HPS5: variants seen among roughly 807,000 people sequenced by gnomAD.
HPS5 encodes the protein HPS5 biogenesis of lysosomal organelles complex 2 subunit 2.
In HPS5, 83 loss-of-function variants were observed where a neutral mutation model predicts 128.0. The ratio of observed to expected loss-of-function variants is 0.65; its 90% CI spans 0.54 to 0.78. The LOEUF is 0.78. HPS5 is among the 30% of genes least tolerant of loss of function. HPS5 has a pLI of 0.00. For synonymous variants in HPS5, 475 were observed against 470.2 expected (o/e 1.01, Z -0.13); for missense variants, 1,281 against 1,326.2 (o/e 0.97, Z 0.53).
At position 18,292,036 on chromosome 11, in the gene HPS5, A is replaced by C. The variant is rs748080375; in HGVS notation, c.1863-17T>G. 1 of 1,583,958 alleles carries C rather than the reference A, an allele frequency of 6.3e-7. No homozygotes were observed. Among genetic ancestry groups the C allele is most frequent in the Admixed American group, 1.7e-5 (1 of 59,878 alleles). On this transcript the variant is annotated splice_polypyrimidine_tract_variant and intron_variant, in intron 15 of 22. Coordinates refer to ENST00000349215, the MANE Select transcript of HPS5 (RefSeq NM_181507.2). The stretch of plus-strand genomic sequence containing the variant: ...AGCTTGGTCCTATACAAGACAGACA[A>C]GTATGAAATTCATGTGTCATGTGTT...
intron 19 of HPS5, among the ~76,000 whole-genome samples, chr11:18,285,877 G>C (rs1859647302): frequency 6.6e-6 from 1 of 152,136 alleles, no homozygotes; most frequent in Non-Finnish European, 1.5e-5. Flanking sequence ...TAAAGTCCTA[G>C]ATCAGGTTAT....
Position 18,291,592 on chromosome 11 carries a change from T to A in HPS5, c.2290A>T (p.Thr764Ser). The A allele has an allele frequency of 6.2e-7, 1 of 1,613,846 alleles. No individual in the cohort carries two copies. The highest frequency in any genetic ancestry group is 1.7e-5 in the Admixed American group (1 of 60,002). Residue 764 changes from threonine to serine, a missense_variant, in exon 16 of 23, where the codon ACT (threonine) becomes TCT (serine). Physicochemically the swap from Thr to Ser is moderately conservative, Grantham distance 58. Coordinates refer to ENST00000349215, the MANE Select transcript of HPS5 (RefSeq NM_181507.2). ...IKSTSGHVDH[T>S]LQQYSPEILA... is the part of the protein sequence containing the mutation. ...ATTTCAGGAGAGTACTGTTGCAAAGTGTGGTCCACATGTCCACTGGTGCTT... is the reference window on the plus strand; with the variant it reads ...ATTTCAGGAGAGTACTGTTGCAAAGAGTGGTCCACATGTCCACTGGTGCTT...
chr11:18,310,555 C>T (rs536550747), intron 5 of HPS5, among the ~76,000 whole-genome samples, 186 bp downstream of exon 5: 3 of 152,324 alleles, frequency 2.0e-5, no homozygotes, highest in Admixed American at 1.3e-4. Context: ...CATTCTGTAA[C>T]GGTATTGAGC....
Position 18,291,510 on chromosome 11 carries a change from T to C in HPS5, c.2372A>G (p.Lys791Arg). ...ACTGTAACTAAGCTTGATACTCTCCTTCGCTCTTTTCAAGTTCAGGAGAAA... is the reference window on the plus strand; with the variant it reads ...ACTGTAACTAAGCTTGATACTCTCCCTCGCTCTTTTCAAGTTCAGGAGAAA... The part of the protein sequence containing the change: ...YFFLLNLKRA[K>R]ESIKLSYSNS... The change falls in exon 16 of 23, where the codon AAG becomes AGG. Residue 791 changes from lysine (K) to arginine (R), a missense_variant. Coordinates refer to ENST00000349215, the MANE Select transcript of HPS5 (RefSeq NM_181507.2). 2 of 1,612,418 alleles carry C rather than the reference T, an allele frequency of 1.2e-6. No individual in the cohort carries two copies. The highest frequency in any genetic ancestry group is 1.7e-6 in the Non-Finnish European group (2 of 1,179,268).
At chr11:18,288,126 T>TA (rs1859972860) in intron 16 of HPS5, 113 bp from the exon 17 acceptor site, 17 of 1,104,456 alleles carry the variant, frequency 1.5e-5, no homozygotes, top group Non-Finnish European at 2.3e-5. Flanking sequence ...GTGGACCTAT[T>TA]ATGTGCAAGG....
At chr11:18,299,971 G>C (rs1377724056) in intron 9 of HPS5, among the ~76,000 whole-genome samples, 1 of 152,190 alleles carries the variant, frequency 6.6e-6, no homozygotes, top group Non-Finnish European at 1.5e-5. Flanking sequence ...TAGATTCTGG[G>C]AAGGGTAAGA....
chr11:18,297,314 G>A (rs943824959), intron 11 of HPS5, among the ~76,000 whole-genome samples: 1 of 152,096 alleles, frequency 6.6e-6, no homozygotes, highest in Non-Finnish European at 1.5e-5. Flanking sequence ...ACTTATGCTG[G>A]GAGCTATATG....
chr11:18,280,750 C>A (rs1359642633), intron 22 of HPS5: 1 of 516,160 alleles, frequency 1.9e-6, no homozygotes, highest in Non-Finnish European at 3.4e-6. Context: ...CATGGATAAA[C>A]CTTTAGGATG....
Position 18,285,422 on chromosome 11 carries a change from G to A in HPS5, c.2875C>T (p.Leu959=), listed in dbSNP as rs780285700. ...GGAAGTTTAATTAGATGAAGGATCA[G>A]CTGACTGTAACCCCAGGAAAGCAAG... The part of the protein sequence containing the change: ...SHLLSWGYSQ[L]ILHLIKLPAD... Residue 959 remains leucine, a synonymous_variant, in exon 20 of 23, where the codon CTG becomes TTG. Transcript: ENST00000349215. The A allele has an allele frequency of 1.9e-6, 3 of 1,613,386 alleles. No individual in the cohort carries two copies. The highest frequency in any genetic ancestry group is 4.5e-5 in the East Asian group (2 of 44,818).
intron 20 of HPS5, 65 bp from the exon 21 acceptor site, chr11:18,283,966 C>T: frequency 1.9e-6 from 2 of 1,045,160 alleles, no homozygotes; most frequent in South Asian, 1.3e-5. Context: ...GCTGTGCTGC[C>T]CAAAACAGTA....
At chr11:18,302,550 T>C (rs11024610) in intron 8 of HPS5, among the ~76,000 whole-genome samples, 21,251 of 152,134 alleles carry the variant, frequency 0.14, 1,593 homozygotes, top group African/African-American at 0.19. Context: ...CATATCTCTC[T>C]AATAAATTAT....
chr11:18,295,509 A>C (rs900399644), intron 13 of HPS5, among the ~76,000 whole-genome samples: 3 of 152,270 alleles, frequency 2.0e-5, no homozygotes, highest in African/African-American at 7.2e-5. Context: ...GAATTGCTTC[A>C]TGTAAACTCA....
At chr11:18,298,036 C>T (rs1211553078) in intron 10 of HPS5, among the ~76,000 whole-genome samples, 4 of 150,404 alleles carry the variant, frequency 2.7e-5, no homozygotes, top group South Asian at 2.1e-4. Context: ...GCTGAGATCA[C>T]GCCATTGCAC....
intron 1 of HPS5, among the ~76,000 whole-genome samples, chr11:18,319,816 T>C (rs1864097398): frequency 6.6e-6 from 1 of 152,228 alleles, no homozygotes; most frequent in African/African-American, 2.4e-5. Flanking sequence ...AAAACCTCTC[T>C]TGACGTTATT....
Position 18,296,995 on chromosome 11 carries a change from A to C in HPS5, c.1324-11T>G. On this transcript the variant is annotated splice_polypyrimidine_tract_variant and intron_variant, in intron 11 of 22. Coordinates refer to ENST00000349215, the MANE Select transcript of HPS5 (RefSeq NM_181507.2). ...GATGCTGAAACTTTCCTAAAAATTAAAAGAATTCAAAAAAAAAAAAAGGTA... is the reference window on the plus strand; with the variant it reads ...GATGCTGAAACTTTCCTAAAAATTACAAGAATTCAAAAAAAAAAAAAGGTA... 6.5e-7 allele frequency: 1 copy of C among 1,549,310 alleles called. No homozygotes were observed. Among genetic ancestry groups the C allele is most frequent in the Non-Finnish European group, 8.9e-7 (1 of 1,128,642 alleles).
Position 18,317,904 on chromosome 11 carries a change from T to C in HPS5, c.-46A>G. 1 of 1,591,200 alleles carries C rather than the reference T, an allele frequency of 6.3e-7. No homozygotes were observed. The highest frequency in any genetic ancestry group is 8.6e-7 in the Non-Finnish European group (1 of 1,165,206). ...TGTTGAATGATAGATACAGTATTCC[T>C]CACCTGAATAAAATCCACAAAAATA... On this transcript the variant is annotated 5_prime_UTR_variant, in exon 2 of 23. An upstream open reading frame in the 5' UTR loses its in-frame stop. Coordinates refer to ENST00000349215, the MANE Select transcript of HPS5 (RefSeq NM_181507.2).
intron 20 of HPS5, among the ~76,000 whole-genome samples, chr11:18,284,514 A>C (rs780374111): frequency 2.6e-5 from 4 of 152,118 alleles, no homozygotes; most frequent in Admixed American, 1.3e-4. Flanking sequence ...ATCAGAAATG[A>C]TCTCTAGAAA....
intron 20 of HPS5, 50 bp downstream of exon 20, chr11:18,285,296 A>C: frequency 8.8e-7 from 1 of 1,141,366 alleles, no homozygotes; most frequent in Non-Finnish European, 1.3e-6. Flanking sequence ...AAAGTTGTTA[A>C]CTGAAATGTT....
intron 20 of HPS5, 119 bp from the exon 21 acceptor site, chr11:18,284,020 T>C (rs1859370715): frequency 1.4e-6 from 1 of 700,148 alleles, no homozygotes; most frequent in African/African-American, 1.8e-5. Context: ...TAATTAAAAG[T>C]AAATAACATC....
Sources: allele counts gnomAD v4.1 joint callset (sites outside exome capture counted in the v4.1 genomes callset), GRCh38; gene constraint gnomAD v4.1.1; transcripts MANE v1.5; gene names NCBI Gene and HGNC (gene_info 2026-07-23, HGNC 2026-07-21).